Variants in ANKRD28 observed in about 807,000 individuals in gnomAD.
The protein encoded by ANKRD28 is ankyrin repeat domain 28.
In ANKRD28, 44 loss-of-function variants were observed where a neutral mutation model predicts 126.5. The ratio of observed to expected loss-of-function variants is 0.35; its 90% CI spans 0.27 to 0.45. The LOEUF is 0.45. Among genes scored for constraint, ANKRD28 ranks in the 20% least tolerant of loss-of-function variants. The pLI is 1.00. For synonymous variants in ANKRD28, 442 were observed against 468.5 expected (o/e 0.94, Z 0.73); for missense variants, 1,110 against 1,316.6 (o/e 0.84, Z 2.43).
At chr3:15,711,632 A>C (rs960582183) in intron 11 of ANKRD28, among the ~76,000 whole-genome samples, 1 of 152,134 alleles carries the variant, frequency 6.6e-6, no homozygotes, top group African/African-American at 2.4e-5. Flanking sequence ...TGAGGGAAGA[A>C]AGAAATGGAG....
chr3:15,753,731 A>G (rs1436576232), intron 3 of ANKRD28, among the ~76,000 whole-genome samples: 1 of 142,352 alleles, frequency 7.0e-6, no homozygotes, highest in Non-Finnish European at 1.5e-5. Flanking sequence ...TTGCTTGAAG[A>G]CAGGAGTTCA....
chr3:15,847,983 T>G (rs566889799), intron 1 of ANKRD28, among the ~76,000 whole-genome samples: 101 of 152,362 alleles, frequency 6.6e-4, no homozygotes, highest in African/African-American at 2.4e-3. Context: ...TTCTTCTCAC[T>G]TCAAGTCCTC....
chr3:15,774,938 A>T (rs2059185699), intron 2 of ANKRD28, among the ~76,000 whole-genome samples: 1 of 131,668 alleles, frequency 7.6e-6, no homozygotes, highest in Non-Finnish European at 1.6e-5. Context: ...GTGCAGCAGC[A>T]CAATCTCGGC....
intron 1 of ANKRD28, among the ~76,000 whole-genome samples, chr3:15,824,122 T>C (rs756194627): frequency 4.6e-5 from 7 of 152,168 alleles, no homozygotes; most frequent in African/African-American, 9.7e-5. Flanking sequence ...CAAAAAATCA[T>C]CTCTATTTGC....
intron 1 of ANKRD28, among the ~76,000 whole-genome samples, chr3:15,822,863 A>C (rs2125915203): frequency 6.6e-6 from 1 of 152,366 alleles, no homozygotes; most frequent in South Asian, 2.1e-4. Flanking sequence ...AAAACTGATA[A>C]GCTTTTAGCT....
upstream of ANKRD28, among the ~76,000 whole-genome samples, chr3:15,801,215 T>C (rs1208536476): frequency 6.6e-6 from 1 of 152,208 alleles, no homozygotes; most frequent in Non-Finnish European, 1.5e-5. The surrounding 1 kb of genome is among the most constrained non-coding windows in gnomAD (Gnocchi z 4.9). Flanking sequence ...ACTCCTACTA[T>C]TAATGGAATC....
chr3:15,757,401 G>A (rs767689121), intron 3 of ANKRD28, among the ~76,000 whole-genome samples: 18 of 152,158 alleles, frequency 1.2e-4, no homozygotes, highest in Non-Finnish European at 1.8e-4. Flanking sequence ...TCCATTTCCA[G>A]TTATAACGTT....
chr3:15,780,820 A>G (rs1394426201), intron 2 of ANKRD28, among the ~76,000 whole-genome samples: 1 of 152,228 alleles, frequency 6.6e-6, no homozygotes, highest in Non-Finnish European at 1.5e-5. Context: ...CATAATGTGG[A>G]AAGAACAGCC....
chr3:15,838,938 C>T lies in ANKRD28; in HGVS notation c.27+20439G>A, dbSNP rs1337118081. On this transcript the variant is annotated intron_variant, in intron 1 of 27. Transcript: ENST00000399451. This position sits in a 1 kb window ranked among gnomAD's most constrained non-coding sequence, Gnocchi z 4.0. ...GGAATACTATTCAGCAACGAAGAACCAATTAATACATGTTACAACATGAAT... is the reference window on the plus strand; with the variant it reads ...GGAATACTATTCAGCAACGAAGAACTAATTAATACATGTTACAACATGAAT... Among the ~76,000 whole-genome samples the T allele has an allele frequency of 6.6e-6, 1 of 152,054 alleles. No individual in the cohort carries two copies. Among genetic ancestry groups the T allele is most frequent in the African/African-American group, 2.4e-5 (1 of 41,388 alleles).
At chr3:15,671,801 T>G (rs1390266005) in intron 27 of ANKRD28, among the ~76,000 whole-genome samples, 2 of 151,966 alleles carry the variant, frequency 1.3e-5, no homozygotes, top group Non-Finnish European at 2.9e-5. Flanking sequence ...GCCAGGCTGG[T>G]CTCAAACTCC....
chr3:15,834,312 C>T (rs1299113731), intron 1 of ANKRD28, among the ~76,000 whole-genome samples: 1 of 152,056 alleles, frequency 6.6e-6, no homozygotes, highest in Non-Finnish European at 1.5e-5. Context: ...TTTACTGAAT[C>T]GAGTGTCCTT....
intron 1 of ANKRD28, among the ~76,000 whole-genome samples, chr3:15,822,784 A>G (rs1168017745): frequency 6.6e-6 from 1 of 152,206 alleles, no homozygotes; most frequent in Non-Finnish European, 1.5e-5. Context: ...AAGGAACTAA[A>G]TAGAAATTCT....
intron 1 of ANKRD28, among the ~76,000 whole-genome samples, chr3:15,819,318 G>C (rs2060894527): frequency 1.3e-5 from 2 of 152,180 alleles, no homozygotes; most frequent in East Asian, 3.9e-4. Context: ...ATTGGAGTAA[G>C]AATAAACATA....
At chr3:15,740,504 G>T (rs960822032) in intron 4 of ANKRD28, among the ~76,000 whole-genome samples, 1 of 152,148 alleles carries the variant, frequency 6.6e-6, no homozygotes, top group African/African-American at 2.4e-5. Flanking sequence ...TGACTTGGGG[G>T]ATCTAAAACT....
Position 15,677,003 on chromosome 3 carries a change from G to A in ANKRD28, c.2844C>T (p.Leu948=). ...GCAAGGCTGCGTTGGTTGCATTGATGAGGTTTCTATCTGTTATCTTTTCCA... is the reference window on the plus strand; with the variant it reads ...GCAAGGCTGCGTTGGTTGCATTGATAAGGTTTCTATCTGTTATCTTTTCCA... ...LILEKITDRN[L]INATNAALQT... Residue 948 remains leucine, a synonymous_variant, in exon 26 of 28, where the codon CTC becomes CTT. Coordinates refer to ENST00000683139, the MANE Select transcript of ANKRD28 (RefSeq NM_001349278.2). 1.2e-6 allele frequency: 2 copies of A among 1,612,944 alleles called. No individual in the cohort carries two copies. Among genetic ancestry groups the A allele is most frequent in the Non-Finnish European group, 1.7e-6 (2 of 1,179,516 alleles).
intron 2 of ANKRD28, among the ~76,000 whole-genome samples, chr3:15,771,810 A>G (rs900042825): frequency 2.6e-5 from 4 of 152,216 alleles, no homozygotes; most frequent in African/African-American, 9.6e-5. Flanking sequence ...CCAAACCTTA[A>G]CACATTAAAA....
At chr3:15,769,536 G>T (rs955494588) in intron 2 of ANKRD28, among the ~76,000 whole-genome samples, 14 of 152,042 alleles carry the variant, frequency 9.2e-5, no homozygotes, top group Non-Finnish European at 7.4e-5. Context: ...CAACTTAAAT[G>T]CCCACTAAAT....
At chr3:15,859,360 T>C (rs1421102603) in intron 1 of ANKRD28, 2 of 1,527,156 alleles carry the variant, frequency 1.3e-6, no homozygotes, top group Admixed American at 2.0e-5. Flanking sequence ...GATCCCGCCC[T>C]GCAGCCCCTC....
At chr3:15,693,390 A>G (rs544043226) in intron 17 of ANKRD28, among the ~76,000 whole-genome samples, 140 of 144,280 alleles carry the variant, frequency 9.7e-4, no homozygotes, top group Non-Finnish European at 1.7e-3. Context: ...GTTAACTTGC[A>G]AGCACAAAAA....
Sources: allele counts gnomAD v4.1 joint callset (sites outside exome capture counted in the v4.1 genomes callset), GRCh38; gene constraint gnomAD v4.1.1; non-coding constraint Gnocchi (gnomAD v3.1); transcripts MANE v1.5; gene names NCBI Gene and HGNC (gene_info 2026-07-23, HGNC 2026-07-21).